PCBP3: variants seen among roughly 807,000 people sequenced by gnomAD.
PCBP3 encodes the protein poly(rC)-binding protein 3.
In PCBP3, 25 loss-of-function variants were observed where a neutral mutation model predicts 52.7. The ratio of observed to expected loss-of-function variants is 0.47; its 90% CI spans 0.35 to 0.66. PCBP3 has a LOEUF of 0.66. Among genes scored for constraint, PCBP3 ranks in the 30% least tolerant of loss-of-function variants. The pLI is 0.01. For missense variants in PCBP3, 391 were observed against 490.3 expected (o/e 0.80, Z 1.91); for synonymous variants, 162 against 183.0 (o/e 0.89, Z 0.93).
At chr21:45,841,689 A>G (rs2093702495) in intron 4 of PCBP3, among the ~76,000 whole-genome samples, 1 of 152,152 alleles carries the variant, frequency 6.6e-6, no homozygotes, top group Non-Finnish European at 1.5e-5. Context: ...ATTTGATCAT[A>G]ATTCTTTGTG....
At chr21:45,816,131 TGGTGGGTG>T (rs2092946996) in intron 4 of PCBP3, among the ~76,000 whole-genome samples, 1 of 148,820 alleles carries the variant, frequency 6.7e-6, no homozygotes. Context: ...GAGTGGTGAG[TGGTGGGTG>T]AGTGAGTGAT....
At chr21:45,687,258 A>G (rs2082208871) in intron 2 of PCBP3, among the ~76,000 whole-genome samples, 1 of 152,200 alleles carries the variant, frequency 6.6e-6, no homozygotes. Context: ...TTTAAAATTA[A>G]GGAGAAATAA....
intron 5 of PCBP3, among the ~76,000 whole-genome samples, chr21:45,856,241 T>C (rs1425613862): frequency 6.6e-6 from 1 of 152,138 alleles, no homozygotes; most frequent in Non-Finnish European, 1.5e-5. Flanking sequence ...CCTCTAAGGG[T>C]GGACACCTAT....
chr21:45,784,382 A>G lies in PCBP3; in HGVS notation c.-126+28930A>G, dbSNP rs1297932078. Reference sequence around the variant, plus strand: ...TACCTCTACCTCTACCTCTACCTCTACCTCTACCTCTACCGCTACCTCTAC... The same window carrying G: ...TACCTCTACCTCTACCTCTACCTCTGCCTCTACCTCTACCGCTACCTCTAC... On this transcript the variant is annotated intron_variant, in intron 4 of 17. Transcript: ENST00000681687. Among the ~76,000 whole-genome samples the G allele has an allele frequency of 6.2e-3, 723 of 116,672 alleles. 7 individuals are homozygous for G. Among genetic ancestry groups the G allele is most frequent in the African/African-American group, 0.02 (695 of 34,618 alleles). 76.5% of individuals were successfully genotyped at this position (116,672 alleles called of 152,430 possible). A position where few individuals can be genotyped will look rare whatever the true frequency, so the allele number is the denominator to read the frequency against.
In PCBP3 at chr21:45,917,436, G is replaced by T; in HGVS notation, c.676-152G>T. On this transcript the variant is annotated intron_variant, in intron 12 of 17. Transcript: ENST00000681687. This position sits in a 1 kb window ranked among gnomAD's most constrained non-coding sequence, Gnocchi z 5.3. ...CTGGGGCTCCTGGTGCCCTGGGAGG[G>T]TTGGCCCTTTGTCCTAGGATGGGGA... is the stretch of plus-strand genomic sequence containing the variant. 1 of 645,332 alleles carries T rather than the reference G, an allele frequency of 1.5e-6. No individual in the cohort carries two copies. The highest frequency in any genetic ancestry group is 2.6e-5 in the Admixed American group (1 of 39,022). 40.0% of individuals were successfully genotyped at this position (645,332 alleles called of 1,614,324 possible). A position where few individuals can be genotyped will look rare whatever the true frequency, so the allele number is the denominator to read the frequency against.
chr21:45,915,403 G>A (rs1417797333), intron 12 of PCBP3: 1 of 152,250 alleles, frequency 6.6e-6, no homozygotes, highest in Non-Finnish European at 1.5e-5. Context: ...AACCGGTTTA[G>A]TAACCTCTGT....
chr21:45,874,249 A>G lies in PCBP3; in HGVS notation c.11-21959A>G, dbSNP rs1429164624. ...TCCTCAGGATATTCTTGAACTGATT[A>G]ATTTTTCCTGTACATTTTAAAATCA... On this transcript the variant is annotated intron_variant, in intron 5 of 17. Coordinates refer to ENST00000681687, the MANE Select transcript of PCBP3 (RefSeq NM_001384156.1). Among the ~76,000 whole-genome samples, 4 of 152,246 alleles carry G rather than the reference A, an allele frequency of 2.6e-5. No homozygotes were observed. The East Asian group carries it at 7.7e-4, about 29-fold the overall frequency.
chr21:45,833,117 C>G lies in PCBP3; in HGVS notation c.-125-16844C>G, dbSNP rs371416688. ...TCTCTGTGGGCAGCTGTGGGCACAC[C>G]CAAGGGAAGGAGTGGGCACCCCCAT... is the stretch of plus-strand genomic sequence containing the variant. On this transcript the variant is annotated intron_variant, in intron 4 of 17. Transcript: ENST00000681687. Among the ~76,000 whole-genome samples, 802 of 152,244 alleles carry G rather than the reference C, an allele frequency of 5.3e-3. 4 individuals are homozygous for G. Among genetic ancestry groups the G allele is most frequent in the African/African-American group, 0.018 (750 of 41,532 alleles).
rs764914252 is a variant in PCBP3, at chr21:45,941,773, C to G, written c.*67C>G. 10 of 1,274,466 alleles carry G rather than the reference C, an allele frequency of 7.8e-6. No homozygotes were observed. The highest frequency in any genetic ancestry group is 5.5e-5 in the South Asian group (4 of 72,234). 78.9% of individuals were successfully genotyped at this position (1,274,466 alleles called of 1,614,324 possible). A position where few individuals can be genotyped will look rare whatever the true frequency, so the allele number is the denominator to read the frequency against. On this transcript the variant is annotated 3_prime_UTR_variant, in exon 18 of 18. Coordinates refer to ENST00000681687, the MANE Select transcript of PCBP3 (RefSeq NM_001384156.1). ...GCCTAAGGCCCCCGGCTCTCGCACTCTGTACAGCCCACCTTCCCTGCCTCA... is the reference window on the plus strand; with the variant it reads ...GCCTAAGGCCCCCGGCTCTCGCACTGTGTACAGCCCACCTTCCCTGCCTCA...
chr21:45,875,163 G>A (rs941490321), intron 5 of PCBP3, among the ~76,000 whole-genome samples: 10 of 152,094 alleles, frequency 6.6e-5, no homozygotes, highest in Admixed American at 2.6e-4. Context: ...TCCATGTTGC[G>A]CGCTCCGGCT....
intron 4 of PCBP3, among the ~76,000 whole-genome samples, chr21:45,825,804 G>C (rs1369339297): frequency 1.3e-5 from 2 of 152,132 alleles, no homozygotes; most frequent in Non-Finnish European, 2.9e-5. Context: ...TGGGGTTGGT[G>C]GTGGGACGTG....
chr21:45,860,198 T>C (rs1213803932), intron 5 of PCBP3, among the ~76,000 whole-genome samples: 1 of 152,260 alleles, frequency 6.6e-6, no homozygotes, highest in Non-Finnish European at 1.5e-5. Flanking sequence ...GCCTCTGGGC[T>C]GCTTCTCCTT....
chr21:45,835,546 A>G (rs781027014), intron 4 of PCBP3, among the ~76,000 whole-genome samples: 6 of 152,234 alleles, frequency 3.9e-5, no homozygotes, highest in Non-Finnish European at 7.3e-5. Context: ...AGAGAGGCAG[A>G]AACACAGTTC....
At chr21:45,865,714 AG>A (rs1164617098) in intron 5 of PCBP3, among the ~76,000 whole-genome samples, 1 of 152,136 alleles carries the variant, frequency 6.6e-6, no homozygotes, top group Non-Finnish European at 1.5e-5. Context: ...GACGCCACAC[AG>A]CCTTCTCCAT....
chr21:45,825,146 CCA>C (rs760111327), intron 4 of PCBP3, among the ~76,000 whole-genome samples: 2 of 152,074 alleles, frequency 1.3e-5, no homozygotes, highest in Non-Finnish European at 2.9e-5. Context: ...AGCTGTGATG[CCA>C]AGCCCTTGCT....
chr21:45,921,211 T>G (rs1319847006), intron 13 of PCBP3, among the ~76,000 whole-genome samples: 1 of 152,246 alleles, frequency 6.6e-6, no homozygotes, highest in East Asian at 1.9e-4. Context: ...TAGTAGAAAT[T>G]TTTAAAGCTT....
chr21:45,918,182 C>T (rs570461774), intron 13 of PCBP3: 50 of 167,328 alleles, frequency 3.0e-4, no homozygotes, highest in Non-Finnish European at 6.3e-4. Context: ...GGATGCCAGG[C>T]GGGCATAGCG....
At chr21:45,879,239 C>T (rs2095342346) in intron 5 of PCBP3, among the ~76,000 whole-genome samples, 1 of 151,952 alleles carries the variant, frequency 6.6e-6, no homozygotes, top group Non-Finnish European at 1.5e-5. Context: ...CCTACCTCAG[C>T]CTCCCAAAGT....
chr21:45,913,690 G>A (rs1382701232), intron 11 of PCBP3, among the ~76,000 whole-genome samples: 1 of 152,226 alleles, frequency 6.6e-6, no homozygotes, highest in Non-Finnish European at 1.5e-5. Flanking sequence ...CTCTCAGGAG[G>A]CCGGTGTGTG....
Sources: allele counts gnomAD v4.1 joint callset (sites outside exome capture counted in the v4.1 genomes callset), GRCh38; gene constraint gnomAD v4.1.1; non-coding constraint Gnocchi (gnomAD v3.1); transcripts MANE v1.5; gene names NCBI Gene and HGNC (gene_info 2026-07-23, HGNC 2026-07-21).